The following RIPOR3 variants were observed in gnomAD, a reference collection of about 807,000 sequenced individuals.
The protein encoded by RIPOR3 is RIPOR family member 3, also known as family with sequence similarity 65 member C.
In RIPOR3, 95 loss-of-function variants were observed where a neutral mutation model predicts 114.3. That is an observed-to-expected ratio of 0.83 (90% CI 0.70 to 0.99). The LOEUF (loss-of-function observed/expected upper bound fraction) is 0.99, where lower values mean the gene tolerates loss of function less well. RIPOR3 is among the 50% of genes least tolerant of loss of function. The pLI, the probability that RIPOR3 is intolerant of heterozygous loss-of-function variation, is 0.00. For missense variants in RIPOR3, 1,252 were observed against 1,266.9 expected, an observed-to-expected ratio of 0.99 and a Z score of 0.18; for synonymous variants, 575 against 543.8, an observed-to-expected ratio of 1.06 and a Z score of -0.80.
rs1217818434 is a variant in RIPOR3 at position 50,587,239 on chromosome 20, A to T, written c.2846T>A (p.Ile949Lys). Residue 949 changes from isoleucine to lysine, a missense_variant, in exon 22 of 22, where the codon ATA (isoleucine) becomes AAA (lysine). Coordinates refer to ENST00000327979, the MANE Select transcript of RIPOR3 (RefSeq NM_001290268.2). The part of the protein sequence containing the change: ...FCQEADVEIT[I>K]F ...CTCATCAGCCAGGATTTTTTAAAATATTGTGATTTCAACATCTGCCTCCTG... is the reference window on the plus strand; with the variant it reads ...CTCATCAGCCAGGATTTTTTAAAATTTTGTGATTTCAACATCTGCCTCCTG... The T allele has an allele frequency of 6.2e-7, 1 of 1,613,740 alleles. No homozygotes were observed. Among genetic ancestry groups the T allele is most frequent in the Admixed American group, 1.7e-5 (1 of 60,032 alleles).
intron 1 of RIPOR3, 33 bp from the exon 2 acceptor site, chr20:50,630,889 A>T: frequency 6.5e-7 from 1 of 1,543,454 alleles, no homozygotes; most frequent in Non-Finnish European, 8.8e-7. Flanking sequence ...TCAGCCTGGC[A>T]TCACCATCCA....
At chr20:50,614,227 G>A (rs149561501) in intron 4 of RIPOR3, among the ~76,000 whole-genome samples, 7 of 152,098 alleles carry the variant, frequency 4.6e-5, no homozygotes, top group African/African-American at 1.7e-4. Context: ...GTACAGATGG[G>A]GTTTCACCAT....
intron 1 of RIPOR3, among the ~76,000 whole-genome samples, chr20:50,667,951 T>C (rs1288426642): frequency 6.6e-6 from 1 of 152,196 alleles, no homozygotes; most frequent in Non-Finnish European, 1.5e-5. Flanking sequence ...GATTCCATGC[T>C]GCTGTGACTA....
intron 1 of RIPOR3, among the ~76,000 whole-genome samples, chr20:50,643,014 C>G (rs2085261471): frequency 1.3e-5 from 2 of 151,948 alleles, no homozygotes. Flanking sequence ...CACCATTGCA[C>G]TCCAGACTGG....
intron 21 of RIPOR3, among the ~76,000 whole-genome samples, 186 bp downstream of exon 21, chr20:50,587,616 G>A (rs1229140889): frequency 6.6e-6 from 1 of 152,252 alleles, no homozygotes; most frequent in Non-Finnish European, 1.5e-5. Context: ...CCCCAGCCAT[G>A]GAGGAGGCCT....
rs185776125 is a variant in RIPOR3 at position 50,612,700 on chromosome 20, A to C, written c.349-1496T>G. Among the ~76,000 whole-genome samples the C allele has an allele frequency of 7.4e-4, 113 of 152,292 alleles. 2 individuals carry two copies. The highest frequency in any genetic ancestry group is 4.4e-5 in the Non-Finnish European group (3 of 68,022). ...AACGGGATGGGACACGGAAGATTGAATAGAGGAGGGCGTCAATCGAGAAAG... is the reference window on the plus strand; with the variant it reads ...AACGGGATGGGACACGGAAGATTGACTAGAGGAGGGCGTCAATCGAGAAAG... On this transcript the variant is annotated intron_variant, in intron 4 of 21. Transcript: ENST00000327979.
At chr20:50,631,318 A>G (rs542965775) in intron 1 of RIPOR3, among the ~76,000 whole-genome samples, 11 of 152,326 alleles carry the variant, frequency 7.2e-5, no homozygotes, top group African/African-American at 2.4e-4. Context: ...TACAGAGTCC[A>G]TGCTGGAGTT....
chr20:50,661,821 A>C (rs1024346641), intron 1 of RIPOR3, among the ~76,000 whole-genome samples: 6 of 152,212 alleles, frequency 3.9e-5, no homozygotes, highest in Non-Finnish European at 7.3e-5. Context: ...GGTCCCGCGC[A>C]GGACAGCTGC....
Position 50,594,660 on chromosome 20 carries a change from G to A in RIPOR3, c.2105C>T (p.Thr702Ile), listed in dbSNP as rs1271520932. Residue 702 changes from threonine (T) to isoleucine (I), a missense_variant, in exon 17 of 22, where the codon ACA becomes ATA. Physicochemically the swap from Thr to Ile is moderately conservative, Grantham distance 89 (BLOSUM62 -1). Coordinates refer to ENST00000327979, the MANE Select transcript of RIPOR3 (RefSeq NM_001290268.2). The stretch of plus-strand genomic sequence containing the variant: ...GCAGGACAGGACCCTGCCAGGCCCT[G>A]TGCACCCTCTCCACAGCTTCAGGCA... ...KGCLKLWRGCTGPGRVLSCPA... is the reference protein window; with the variant it reads ...KGCLKLWRGCIGPGRVLSCPA... 6.8e-6 allele frequency: 11 copies of A among 1,613,630 alleles called. No individual in the cohort carries two copies. Among genetic ancestry groups the A allele is most frequent in the East Asian group, 2.2e-5 (1 of 44,880 alleles).
At chr20:50,632,604 G>A (rs1030139401) in intron 1 of RIPOR3, among the ~76,000 whole-genome samples, 11 of 152,240 alleles carry the variant, frequency 7.2e-5, no homozygotes. Context: ...ATGAACCCAT[G>A]CCCAGCAGTG....
At chr20:50,678,147 G>A (rs532955954) in intron 1 of RIPOR3, among the ~76,000 whole-genome samples, 3 of 152,242 alleles carry the variant, frequency 2.0e-5, no homozygotes, top group Non-Finnish European at 4.4e-5. Flanking sequence ...GTGCTAAACC[G>A]GTGGCTGATA....
rs1005780992 is a variant in RIPOR3 at position 50,619,954 on chromosome 20, C to T, written c.269+32G>A. On this transcript the variant is annotated intron_variant, in intron 3 of 21. Coordinates refer to ENST00000327979, the MANE Select transcript of RIPOR3 (RefSeq NM_001290268.2). ...AGAGGAGGCGAGGTAGAGGAATGCACTTCTTAAAGGCAGCACACAGCCCAG... is the reference window on the plus strand; with the variant it reads ...AGAGGAGGCGAGGTAGAGGAATGCATTTCTTAAAGGCAGCACACAGCCCAG... 5 of 1,595,230 alleles carry T rather than the reference C, an allele frequency of 3.1e-6. No individual in the cohort carries two copies. In the African/African-American group the frequency reaches 5.4e-5, roughly 17 times the overall value.
chr20:50,682,283 C>A (rs978512145), intron 1 of RIPOR3, among the ~76,000 whole-genome samples: 2 of 152,168 alleles, frequency 1.3e-5, no homozygotes, highest in African/African-American at 4.8e-5. Flanking sequence ...ATTATATCAA[C>A]GAATTTTAGC....
At chr20:50,610,006 TGCCTC>T (rs1568854706) in intron 6 of RIPOR3, among the ~76,000 whole-genome samples, 16 of 75,788 alleles carry the variant, frequency 2.1e-4, no homozygotes, top group Non-Finnish European at 3.6e-4. Flanking sequence ...CTGCCACCCC[TGCCTC>T]ACCTGCCACC....
chr20:50,596,051 T>G, intron 15 of RIPOR3, 89 bp downstream of exon 15: 1 of 1,569,056 alleles, frequency 6.4e-7, no homozygotes, highest in Non-Finnish European at 8.7e-7. Flanking sequence ...CACCCCTTCA[T>G]GCTTCCCACC....
chr20:50,587,960 T>C (rs1342636144), intron 20 of RIPOR3, 68 bp from the exon 21 acceptor site: 6 of 1,488,508 alleles, frequency 4.0e-6, no homozygotes, highest in Non-Finnish European at 5.6e-6. Flanking sequence ...GTCCACTTAG[T>C]GGCCCTGCAG....
chr20:50,666,310 C>T (rs146635864), intron 1 of RIPOR3, among the ~76,000 whole-genome samples: 2,235 of 147,116 alleles, frequency 0.015, 72 homozygotes, highest in African/African-American at 0.055. Context: ...CCGCAATCTC[C>T]GTCTCCCGGG....
At chr20:50,651,003 G>A (rs1600685226) in intron 1 of RIPOR3, among the ~76,000 whole-genome samples, 1 of 151,434 alleles carries the variant, frequency 6.6e-6, no homozygotes, top group Non-Finnish European at 1.5e-5. Flanking sequence ...ACCGAGTCTC[G>A]CTCTGTCACC....
chr20:50,643,843 AG>A (rs2085293325), intron 1 of RIPOR3, among the ~76,000 whole-genome samples: 1 of 151,284 alleles, frequency 6.6e-6, no homozygotes, highest in South Asian at 2.1e-4. Context: ...CCTCCCAAGT[AG>A]CTGGGACTAC....
Sources: gnomAD v4.1 joint callset for allele counts (sites outside exome capture counted in the v4.1 genomes callset) on GRCh38, gnomAD v4.1.1 for gene constraint, MANE v1.5 for transcripts, NCBI Gene and HGNC (gene_info 2026-07-23, HGNC 2026-07-21) for gene names.